Variants in FBXL6 observed in about 807,000 individuals in gnomAD.
FBXL6 encodes the protein F-box/LRR-repeat protein 6.
In FBXL6, 50 loss-of-function variants were observed where a neutral mutation model predicts 53.3. The observed-to-expected ratio is 0.94, with a 90% CI of 0.75 to 1.19. The LOEUF is 1.19. FBXL6 is among the 50% of genes most tolerant of loss of function. The pLI is 0.00. For synonymous variants in FBXL6, 405 were observed against 322.9 expected (o/e 1.25, Z -2.73); for missense variants, 815 against 719.0 (o/e 1.13, Z -1.53).
chr8:144,358,457 C>T lies in FBXL6; in HGVS notation c.-10G>A, dbSNP rs1554853520. On this transcript the variant is annotated 5_prime_UTR_variant, in exon 1 of 9. Transcript: ENST00000331890. ...AGGCTGGGGCAGCCATGACCACCGA[C>T]GGCGCTCGGGGAAGCCCCAGGGAGC... 1 of 1,238,042 alleles carries T rather than the reference C, an allele frequency of 8.1e-7. No homozygotes were observed. The highest frequency in any genetic ancestry group is 1.0e-6 in the Non-Finnish European group (1 of 991,064). 76.7% of individuals were successfully genotyped at this position (1,238,042 alleles called of 1,614,324 possible). A position where few individuals can be genotyped will look rare whatever the true frequency, so the allele number is the denominator to read the frequency against.
intron 3 of FBXL6, 101 bp from the exon 4 acceptor site, chr8:144,357,222 A>G: frequency 6.7e-7 from 1 of 1,495,942 alleles, no homozygotes; most frequent in Non-Finnish European, 9.1e-7. Context: ...CTACCGCCTT[A>G]GCTGTGACCT....
intron 3 of FBXL6, 145 bp downstream of exon 3, chr8:144,357,294 A>G: frequency 8.0e-7 from 1 of 1,249,328 alleles, no homozygotes; most frequent in Non-Finnish European, 1.1e-6. Flanking sequence ...CTGCTGGAGG[A>G]AACAGCAGGA....
intron 8 of FBXL6, 45 bp from the exon 9 acceptor site, chr8:144,355,723 AG>A: frequency 6.2e-7 from 1 of 1,603,008 alleles, no homozygotes. Flanking sequence ...TTGCCTCAGA[AG>A]GGCTGGGCCA....
chr8:144,356,964 A>G (rs2130616033), intron 4 of FBXL6, 26 bp downstream of exon 4: 1 of 1,612,982 alleles, frequency 6.2e-7, no homozygotes, highest in Non-Finnish European at 8.5e-7. Flanking sequence ...GGGTTTTTTC[A>G]GGGCCCCTTG....
At chr8:144,356,747 G>GA in intron 5 of FBXL6, 34 bp from the exon 6 acceptor site, 6 of 1,609,054 alleles carry the variant, frequency 3.7e-6, no homozygotes, top group Non-Finnish European at 5.1e-6. Context: ...AGGTCACAGG[G>GA]TCAGTGGCCT....
chr8:144,355,511 T>G lies in FBXL6; in HGVS notation c.*20A>C, dbSNP rs1586538184. On this transcript the variant is annotated 3_prime_UTR_variant, in exon 9 of 9. Transcript: ENST00000331890. ...TGGAGGGTGGGCAAGCTGGCTGAGGTGTCCCAGGTCTGTGGCTGCCTAGCT... is the reference window on the plus strand; with the variant it reads ...TGGAGGGTGGGCAAGCTGGCTGAGGGGTCCCAGGTCTGTGGCTGCCTAGCT... 6.3e-7 allele frequency: 1 copy of G among 1,598,170 alleles called. No homozygotes were observed. The highest frequency in any genetic ancestry group is 8.6e-7 in the Non-Finnish European group (1 of 1,169,202).
rs782024812 is a variant in FBXL6 at position 144,358,363 on chromosome 8, G to C, written c.85C>G (p.Arg29Gly). The C allele has an allele frequency of 6.3e-6, 8 of 1,270,906 alleles. No homozygotes were observed. The African/African-American group carries it at 1.2e-4, about 19-fold the overall frequency. The allele number at this position is 1,270,906 out of a possible 1,614,324, so 78.7% of individuals were successfully genotyped here. ...TACCCCGAGCCCCTCGGCGCCAGCC[G>C]GTCCCACCACCAGTCCTCGGCCGAG... Reference protein sequence around the residue: ...PRSAEDWWWDRLAPRGSGYHL... With the variant: ...PRSAEDWWWDGLAPRGSGYHL... Residue 29 changes from arginine to glycine, a missense_variant, in exon 1 of 9, where the codon CGG becomes GGG. Transcript: ENST00000331890.
Position 144,358,099 on chromosome 8 carries a change from AG to A in FBXL6, c.348del (p.Leu117TrpfsTer44). The part of the protein sequence containing the change: ...GPDAGWGDRI[P>X]LEILVQIFGL... Reference sequence around the variant, plus strand: ...CCGAAAATCTGCACCAGGATTTCCAAGGGAATGCGGTCTCCCCAGCCCGCGT... The same window carrying A: ...CCGAAAATCTGCACCAGGATTTCCAAGGAATGCGGTCTCCCCAGCCCGCGT... On this transcript the variant is annotated frameshift_variant, in exon 1 of 9. Coordinates refer to ENST00000331890, the MANE Select transcript of FBXL6 (RefSeq NM_012162.4). LOFTEE classifies it high-confidence loss of function. 1 of 1,597,834 alleles carries A rather than the reference AG, an allele frequency of 6.3e-7. No individual in the cohort carries two copies. Among genetic ancestry groups the A allele is most frequent in the Non-Finnish European group, 8.5e-7 (1 of 1,175,274 alleles).
At chr8:144,356,565 G>T in intron 6 of FBXL6, 34 bp from the exon 7 acceptor site, 1 of 1,612,612 alleles carries the variant, frequency 6.2e-7, no homozygotes, top group Non-Finnish European at 8.5e-7. Context: ...GATGGGGGAG[G>T]GTGTGACAGG....
chr8:144,358,004 T>A, intron 1 of FBXL6, 28 bp downstream of exon 1: 1 of 1,572,708 alleles, frequency 6.4e-7, no homozygotes, highest in South Asian at 1.1e-5. Context: ...GCCGCTACGC[T>A]CGGCGGCGGG....
rs140699050 is a variant in FBXL6 at position 144,355,595 on chromosome 8, T to A, written c.1556A>T (p.Tyr519Phe). ...RCLPRGLKRA[Y>F]RGLEEVQWCL... ...CCACTGGACTTCCTCCAGGCCCCGG[T>A]AGGCCCGCTTCAGACCCCGGGGAAG... Residue 519 changes from tyrosine to phenylalanine, a missense_variant, in exon 9 of 9, where the codon TAC becomes TTC. Coordinates refer to ENST00000331890, the MANE Select transcript of FBXL6 (RefSeq NM_012162.4). The A allele has an allele frequency of 2.9e-5, 46 of 1,611,070 alleles. No homozygotes were observed. Among genetic ancestry groups the A allele is most frequent in the African/African-American group, 8.0e-5 (6 of 74,826 alleles).
Position 144,358,279 on chromosome 8 carries a change from G to T in FBXL6, c.169C>A (p.Pro57Thr). 8.1e-7 allele frequency: 1 copy of T among 1,229,852 alleles called. No individual in the cohort carries two copies. The highest frequency in any genetic ancestry group is 1.0e-6 in the Non-Finnish European group (1 of 986,098). The allele number at this position is 1,229,852 out of a possible 1,614,324, so 76.2% of individuals were successfully genotyped here. Residue 57 changes from proline to threonine, a missense_variant, in exon 1 of 9, where the codon CCC becomes ACC. Transcript: ENST00000331890. ...LVLSEPGPAR[P>T]RAQRRASRRT... ...CGGGAAGCGCGCCGCTGTGCGCGGG[G>T]CCGGGCGGGGCCGGGTTCGGACAGC...
chr8:144,357,193 G>A (rs1818494312), intron 3 of FBXL6, 72 bp from the exon 4 acceptor site: 2 of 1,590,724 alleles, frequency 1.3e-6, no homozygotes, highest in Admixed American at 1.7e-5. Flanking sequence ...ACAGACAAGT[G>A]GCTGGTGCCA....
rs782301861 is a variant in FBXL6 at position 144,356,855 on chromosome 8, A to G, written c.832T>C (p.Trp278Arg). The G allele has an allele frequency of 4.3e-6, 7 of 1,613,264 alleles. No homozygotes were observed. The East Asian group carries it at 1.1e-4, about 26-fold the overall frequency. ...EEAGSRMRKL[W>R]LTYSSQTTAI... ...GTCGTCTGGGAGCTGTAGGTCAGCCACAACTTGCGCATTCGGGACCCTGCC... is the reference window on the plus strand; with the variant it reads ...GTCGTCTGGGAGCTGTAGGTCAGCCGCAACTTGCGCATTCGGGACCCTGCC... Residue 278 changes from tryptophan (W) to arginine (R), a missense_variant, in exon 5 of 9, where the codon TGG (tryptophan) becomes CGG (arginine). Coordinates refer to ENST00000331890, the MANE Select transcript of FBXL6 (RefSeq NM_012162.4).
At position 144,356,451 on chromosome 8, in the gene FBXL6, T is replaced by C; in HGVS notation, c.1074A>G (p.Leu358=). 2 of 1,612,978 alleles carry C rather than the reference T, an allele frequency of 1.2e-6. No homozygotes were observed. Among genetic ancestry groups the C allele is most frequent in the East Asian group, 2.2e-5 (1 of 44,878 alleles). Residue 358 remains leucine, a synonymous_variant, in exon 7 of 9, where the codon CTA becomes CTG. Coordinates refer to ENST00000331890, the MANE Select transcript of FBXL6 (RefSeq NM_012162.4). ...TTGAGCTCGCCAGGCAGAGCTCCTC[T>C]AGGCTAGGGAAGCCTGGTCCGGGAG... The part of the protein sequence containing the change: ...GVAPGPGFPS[L]EELCLASSTC...
chr8:144,355,743 A>T (rs1818372650), intron 8 of FBXL6, 65 bp from the exon 9 acceptor site: 4 of 1,583,654 alleles, frequency 2.5e-6, no homozygotes, highest in Middle Eastern at 2.3e-4. Flanking sequence ...CAGGCTAGGG[A>T]GCTGTGCCTG....
At chr8:144,357,897 G>A (rs2280840) in intron 1 of FBXL6, 111 bp from the exon 2 acceptor site, 634,606 of 1,436,478 alleles carry the variant, frequency 0.44, 143,795 homozygotes, top group East Asian at 0.68. Context: ...CCAACTGGGC[G>A]CCTAAGGGGC....
chr8:144,358,045 G>A lies in FBXL6; in HGVS notation c.403C>T (p.Pro135Ser), dbSNP rs1818550396. ...GLLVAADGPMPFLGRAARVCR... is the reference protein window; with the variant it reads ...GLLVAADGPMSFLGRAARVCR... ...CACCAGCGTTACCTGCCCAGGAAGGGCATGGGGCCGTCCGCCGCCACCAAC... is the reference window on the plus strand; with the variant it reads ...CACCAGCGTTACCTGCCCAGGAAGGACATGGGGCCGTCCGCCGCCACCAAC... Residue 135 changes from proline (P) to serine (S), a missense_variant, in exon 1 of 9, where the codon CCC becomes TCC. Pro to Ser is a moderately conservative substitution (Grantham distance 74, BLOSUM62 -1). Coordinates refer to ENST00000331890, the MANE Select transcript of FBXL6 (RefSeq NM_012162.4). The A allele has an allele frequency of 2.5e-6, 4 of 1,596,216 alleles. No homozygotes were observed. Among genetic ancestry groups the A allele is most frequent in the Non-Finnish European group, 1.7e-6 (2 of 1,175,498 alleles).
In FBXL6 at chr8:144,356,817, G is replaced by A. The variant is rs782163549; in HGVS notation, c.870C>T (p.Gly290=). ...TYSSQTTAIL[G]ALLGSCCPQL... is the part of the protein sequence containing the mutation. ...ACCAATGCCAACTTACCAGCAGTGC[G>A]CCCAGGATGGCTGTCGTCTGGGAGC... is the stretch of plus-strand genomic sequence containing the variant. The change falls in exon 5 of 9, where the codon GGC becomes GGT. Residue 290 remains glycine, a synonymous_variant. Transcript: ENST00000331890. 47 of 1,613,184 alleles carry A rather than the reference G, an allele frequency of 2.9e-5. No homozygotes were observed. The highest frequency in any genetic ancestry group is 1.7e-4 in the Admixed American group (10 of 59,988).
Sources: gnomAD v4.1 joint callset for allele counts on GRCh38, gnomAD v4.1.1 for gene constraint, MANE v1.5 for transcripts, NCBI Gene and HGNC (gene_info 2026-07-23, HGNC 2026-07-21) for gene names.